The following HDAC9 variants were observed in gnomAD, a reference collection of about 807,000 sequenced individuals.
The protein encoded by HDAC9 is histone deacetylase 9.
A neutral mutation model predicts 139.4 loss-of-function variants in HDAC9; 41 were observed. That is an observed-to-expected ratio of 0.29 (90% CI 0.23 to 0.38). The LOEUF (loss-of-function observed/expected upper bound fraction) is 0.38. Among genes scored for constraint, HDAC9 ranks in the 10% least tolerant of loss-of-function variants. The pLI, the probability that HDAC9 is intolerant of heterozygous loss-of-function variation, is 1.00. For missense variants in HDAC9, 1,147 were observed against 1,297.0 expected (o/e 0.88, Z 1.78); for synonymous variants, 517 against 476.2 (o/e 1.09, Z -1.12).
chr7:18,344,714 T>C (rs920671426), intron 1 of HDAC9, among the ~76,000 whole-genome samples: 2 of 152,030 alleles, frequency 1.3e-5, no homozygotes, highest in African/African-American at 4.8e-5. Context: ...AGTGCAAATA[T>C]GCTGTGGCAT....
chr7:18,407,694 A>T (rs1222281628), intron 1 of HDAC9, among the ~76,000 whole-genome samples: 1 of 152,198 alleles, frequency 6.6e-6, no homozygotes, highest in Non-Finnish European at 1.5e-5. Context: ...ACTAGGATGC[A>T]CCATTCGATA....
intron 25 of HDAC9, among the ~76,000 whole-genome samples, chr7:18,984,416 G>A (rs765428454): frequency 1.9e-4 from 29 of 151,986 alleles, no homozygotes; most frequent in Non-Finnish European, 3.1e-4. Context: ...ATTACCATTC[G>A]AATTTGAGTT....
intron 22 of HDAC9, among the ~76,000 whole-genome samples, chr7:18,925,878 G>A (rs1280109251): frequency 1.3e-5 from 2 of 151,458 alleles, no homozygotes; most frequent in African/African-American, 2.4e-5. Context: ...TATATCATAA[G>A]AGCATAACAT....
Position 18,522,411 on chromosome 7 carries a change from G to A in HDAC9, c.22+26087G>A, listed in dbSNP as rs1259711546. 3.3e-5 allele frequency among the ~76,000 whole-genome samples: 5 copies of A among 152,186 alleles called. No individual in the cohort carries two copies. In the East Asian group the frequency reaches 9.6e-4, roughly 29 times the overall value. ...AGGAGCCAGGGCCTCCCAACAATAT[G>A]CTAAGAGTGCACCCCTAGCTGTCTG... On this transcript the variant is annotated intron_variant, in intron 2 of 25. Transcript: ENST00000686413.
intron 1 of HDAC9, among the ~76,000 whole-genome samples, chr7:18,446,151 A>G (rs1206337772): frequency 1.3e-5 from 2 of 152,232 alleles, no homozygotes; most frequent in Non-Finnish European, 2.9e-5. Flanking sequence ...GACAAACACT[A>G]CCCTTTGTTG....
chr7:18,834,475 G>A (rs747181494), intron 19 of HDAC9, among the ~76,000 whole-genome samples: 8 of 149,062 alleles, frequency 5.4e-5, no homozygotes, highest in Non-Finnish European at 1.2e-4. Flanking sequence ...ATTCTGGCAC[G>A]TATCTGTATC....
At chr7:18,954,769 C>T (rs1226318638) in intron 24 of HDAC9, among the ~76,000 whole-genome samples, 1 of 151,944 alleles carries the variant, frequency 6.6e-6, no homozygotes, top group Non-Finnish European at 1.5e-5. Context: ...AAATCAAGCA[C>T]AAACTAACAT....
At chr7:18,451,534 GC>G (rs1381265045) in intron 1 of HDAC9, among the ~76,000 whole-genome samples, 2 of 151,594 alleles carry the variant, frequency 1.3e-5, no homozygotes, top group Admixed American at 6.6e-5. Context: ...ATCTCGATTG[GC>G]CAGGAGTAGA....
chr7:18,836,043 G>T, intron 21 of HDAC9, 46 bp downstream of exon 21: 1 of 1,078,806 alleles, frequency 9.3e-7, no homozygotes, highest in South Asian at 1.5e-5. Flanking sequence ...GAAAATAAAT[G>T]TCCATTGAAA....
At chr7:18,132,723 G>T (rs938098713) in intron 1 of HDAC9, among the ~76,000 whole-genome samples, 1 of 152,008 alleles carries the variant, frequency 6.6e-6, no homozygotes, top group Non-Finnish European at 1.5e-5. Context: ...AAAGACCTTG[G>T]CTGAGTTCTT....
intron 24 of HDAC9, among the ~76,000 whole-genome samples, chr7:18,960,460 C>T (rs1348398031): frequency 4.6e-5 from 7 of 151,900 alleles, no homozygotes; most frequent in African/African-American, 1.7e-4. Context: ...ATCTGTAGTT[C>T]TGGGAACTGG....
At chr7:18,567,512 T>TATTC (rs1387542790) in intron 2 of HDAC9, among the ~76,000 whole-genome samples, 1 of 152,346 alleles carries the variant, frequency 6.6e-6, no homozygotes, top group Non-Finnish European at 1.5e-5. Context: ...AGCTACTGAA[T>TATTC]ATTCTACTGG....
chr7:18,757,926 T>C (rs1789026250), intron 14 of HDAC9, among the ~76,000 whole-genome samples: 1 of 152,152 alleles, frequency 6.6e-6, no homozygotes, highest in African/African-American at 2.4e-5. Context: ...TAAATAACTT[T>C]AGTCAAACTC....
chr7:18,877,595 C>A (rs1450537442), intron 22 of HDAC9, among the ~76,000 whole-genome samples: 1 of 152,102 alleles, frequency 6.6e-6, no homozygotes, highest in Non-Finnish European at 1.5e-5. Flanking sequence ...ATTATATTTT[C>A]TTAGCACATT....
At chr7:18,569,182 A>T (rs375448847) in intron 2 of HDAC9, among the ~76,000 whole-genome samples, 1 of 152,232 alleles carries the variant, frequency 6.6e-6, no homozygotes, top group African/African-American at 2.4e-5. Context: ...GTGGCATTCA[A>T]TTCTGACTTT....
At chr7:18,838,436 C>A (rs1487478506) in intron 21 of HDAC9, among the ~76,000 whole-genome samples, 2 of 151,852 alleles carry the variant, frequency 1.3e-5, no homozygotes, top group Admixed American at 1.3e-4. Context: ...ACTGACTGGG[C>A]AGAGAGAGTG....
chr7:18,301,025 A>T (rs1439498000), intron 1 of HDAC9, among the ~76,000 whole-genome samples: 2 of 152,190 alleles, frequency 1.3e-5, no homozygotes, highest in Admixed American at 1.3e-4. Context: ...TTGTTTCTTC[A>T]AAACTGAAGT....
chr7:18,146,431 A>C (rs1372124654), intron 1 of HDAC9, among the ~76,000 whole-genome samples: 1 of 152,150 alleles, frequency 6.6e-6, no homozygotes, highest in Non-Finnish European at 1.5e-5. Flanking sequence ...GGAAAACAAC[A>C]AAGGAAAAAG....
intron 22 of HDAC9, among the ~76,000 whole-genome samples, chr7:18,893,314 C>T (rs951552137): frequency 6.6e-6 from 1 of 152,104 alleles, no homozygotes; most frequent in Non-Finnish European, 1.5e-5. Context: ...AGGAACATAA[C>T]ATAACCTTCG....
Sources: gnomAD v4.1 joint callset for allele counts (sites outside exome capture counted in the v4.1 genomes callset) on GRCh38, gnomAD v4.1.1 for gene constraint, MANE v1.5 for transcripts, NCBI Gene and HGNC (gene_info 2026-07-23, HGNC 2026-07-21) for gene names.